Variants in LMF1 observed in about 807,000 individuals in gnomAD.
LMF1 encodes the protein transmembrane protein 112.
LMF1 carries 68 observed loss-of-function variants against 60.6 expected under a neutral mutation model. The ratio of observed to expected loss-of-function variants is 1.12; its 90% CI spans 0.92 to 1.37. The LOEUF (loss-of-function observed/expected upper bound fraction) is 1.37, where lower values mean the gene tolerates loss of function less well. Among genes scored for constraint, LMF1 ranks in the 40% most tolerant of loss-of-function variants. The pLI is 0.00. For missense variants in LMF1, 948 were observed against 767.2 expected (o/e 1.24, Z -2.78); for synonymous variants, 418 against 324.7 (o/e 1.29, Z -3.09).
intron 2 of LMF1, among the ~76,000 whole-genome samples, chr16:943,838 T>C (rs762149572): frequency 1.2e-4 from 19 of 152,054 alleles, no homozygotes; most frequent in Non-Finnish European, 2.6e-4. Flanking sequence ...GCTATCATGG[T>C]CAGTTTCTTG....
At chr16:979,483 G>A (rs1462165807) in intron 1 of LMF1, 8 of 368,278 alleles carry the variant, frequency 2.2e-5, no homozygotes, top group Admixed American at 9.8e-5. Context: ...AGGAGCAGGC[G>A]CTGTTGGAGC....
At chr16:980,192 C>A in intron 1 of LMF1, 1 of 192,516 alleles carries the variant, frequency 5.2e-6, no homozygotes, top group Non-Finnish European at 1.1e-5. Flanking sequence ...GCCTGGAGGC[C>A]AATGCTTCCT....
At position 970,835 on chromosome 16, in the gene LMF1, A is replaced by G; in HGVS notation, c.146T>C (p.Phe49Ser). 6.4e-7 allele frequency: 1 copy of G among 1,550,884 alleles called. No individual in the cohort carries two copies. The change falls in exon 1 of 11, where the codon TTC becomes TCC. Residue 49 changes from phenylalanine (F) to serine (S), a missense_variant. Coordinates refer to ENST00000262301, the MANE Select transcript of LMF1 (RefSeq NM_022773.4). ...GSPAHLHTGT[F>S]WLTRIVLLKA... ...CAGGAGCACGATCCGGGTCAGCCAG[A>G]AGGTGCCCGTGTGGAGATGGGCCGG...
chr16:902,773 G>A (rs1032282057), intron 4 of LMF1, among the ~76,000 whole-genome samples: 1 of 117,190 alleles, frequency 8.5e-6, no homozygotes, highest in African/African-American at 3.6e-5. Flanking sequence ...CCTCTGCACT[G>A]CCCACAGGAC....
chr16:859,901 G>C (rs1287787740), intron 10 of LMF1, among the ~76,000 whole-genome samples: 2 of 141,610 alleles, frequency 1.4e-5, no homozygotes, highest in Non-Finnish European at 3.0e-5. Context: ...GTCTCGGGAT[G>C]GGTGTGCAGT....
At chr16:898,115 C>A (rs961457436) in intron 4 of LMF1, among the ~76,000 whole-genome samples, 1 of 152,232 alleles carries the variant, frequency 6.6e-6, no homozygotes. Flanking sequence ...ATGAAGGGGA[C>A]CCAGGTCCCC....
intron 3 of LMF1, among the ~76,000 whole-genome samples, chr16:925,113 C>G (rs1567250211): frequency 6.6e-6 from 1 of 152,218 alleles, no homozygotes; most frequent in Non-Finnish European, 1.5e-5. Context: ...AAACCGCCCT[C>G]TTCAGCCACA....
intron 6 of LMF1, among the ~76,000 whole-genome samples, chr16:876,389 A>G (rs1416039381): frequency 6.6e-6 from 1 of 152,192 alleles, no homozygotes; most frequent in Admixed American, 6.5e-5. Context: ...TGATGGGGAC[A>G]CGTGTCGTCG....
In LMF1 at chr16:879,611, G is replaced by T; in HGVS notation, c.856C>A (p.Arg286=). ...LVPFFLFLGR[R]ACIIHGVLQI... ...AGCACCCCGTGGATGATGCACGCCCGCCGGCCGAGGAAGAGGAAGAAGGGC... is the reference window on the plus strand; with the variant it reads ...AGCACCCCGTGGATGATGCACGCCCTCCGGCCGAGGAAGAGGAAGAAGGGC... Residue 286 remains arginine (R), a synonymous_variant, in exon 6 of 11, where the codon CGG becomes AGG. Coordinates refer to ENST00000262301, the MANE Select transcript of LMF1 (RefSeq NM_022773.4). 6.2e-7 allele frequency: 1 copy of T among 1,613,006 alleles called. No homozygotes were observed. The highest frequency in any genetic ancestry group is 8.5e-7 in the Non-Finnish European group (1 of 1,179,650).
chr16:911,547 T>TTG (rs1555458606), intron 3 of LMF1, among the ~76,000 whole-genome samples: 4 of 73,282 alleles, frequency 5.5e-5, no homozygotes, highest in Admixed American at 1.5e-4. Flanking sequence ...GGGGCAGCAC[T>TTG]GGGGGGGCAG....
At chr16:976,945 G>A (rs1218459442) in intron 1 of LMF1, 2 of 453,734 alleles carry the variant, frequency 4.4e-6, no homozygotes, top group Admixed American at 2.4e-5. Flanking sequence ...AGGGGAGTGC[G>A]AGGTGAAGAT....
intron 4 of LMF1, among the ~76,000 whole-genome samples, chr16:898,608 C>T (rs1176355189): frequency 1.3e-5 from 2 of 152,234 alleles, no homozygotes; most frequent in Non-Finnish European, 2.9e-5. Flanking sequence ...GTCAGGTCAC[C>T]AGACACCATG....
At chr16:923,819 G>A (rs1280922895) in intron 3 of LMF1, among the ~76,000 whole-genome samples, 1 of 152,174 alleles carries the variant, frequency 6.6e-6, no homozygotes, top group Non-Finnish European at 1.5e-5. Flanking sequence ...TAACAATGAG[G>A]TCCTGAGCGG....
intron 6 of LMF1, 191 bp from the exon 7 acceptor site, chr16:871,532 G>A (rs2151702304): frequency 5.0e-6 from 3 of 605,492 alleles, no homozygotes; most frequent in South Asian, 4.1e-5. Flanking sequence ...ATGCCTCAGA[G>A]GTGCCTTCCG....
intron 3 of LMF1, among the ~76,000 whole-genome samples, chr16:927,563 G>C (rs2071645894): frequency 1.3e-5 from 2 of 152,262 alleles, no homozygotes; most frequent in South Asian, 4.1e-4. Context: ...TTAATTAAAA[G>C]AAACTGCATC....
chr16:950,839 T>C (rs75240805), intron 2 of LMF1, among the ~76,000 whole-genome samples: 4,467 of 41,632 alleles, frequency 0.11, 878 homozygotes, highest in African/African-American at 0.31. Flanking sequence ...AGTCAGCCAA[T>C]GACAGAGTCA....
At chr16:875,326 T>C (rs1405616510) in intron 6 of LMF1, among the ~76,000 whole-genome samples, 2 of 152,050 alleles carry the variant, frequency 1.3e-5, no homozygotes. Context: ...CCGTCATGCT[T>C]GGGAGGGTCC....
intron 5 of LMF1, among the ~76,000 whole-genome samples, chr16:885,665 C>T (rs1180349700): frequency 1.3e-5 from 2 of 152,194 alleles, no homozygotes; most frequent in African/African-American, 4.8e-5. Flanking sequence ...CAATGTTCAT[C>T]AGGAGGTCAG....
intron 1 of LMF1, among the ~76,000 whole-genome samples, chr16:978,445 C>A (rs540784208): frequency 6.6e-6 from 1 of 152,286 alleles, no homozygotes; most frequent in South Asian, 2.1e-4. Flanking sequence ...AAGCATCCCC[C>A]AGGCCATCCC....
Sources: gnomAD v4.1 joint callset for allele counts (sites outside exome capture counted in the v4.1 genomes callset) on GRCh38, gnomAD v4.1.1 for gene constraint, MANE v1.5 for transcripts, NCBI Gene and HGNC (gene_info 2026-07-23, HGNC 2026-07-21) for gene names.